WWOX: variants seen among roughly 807,000 people sequenced by gnomAD.
The protein encoded by WWOX is WW domain-containing oxidoreductase.
A neutral mutation model predicts 46.2 loss-of-function variants in WWOX; 69 were observed. The observed-to-expected ratio is 1.49, with a 90% confidence interval of 1.23 to 1.82. The LOEUF is 1.82. Among genes scored for constraint, WWOX ranks in the 40% most tolerant of loss-of-function variants. The probability of loss-of-function intolerance (pLI) is 0.00; values close to 1 mark genes in which losing one functional copy is unlikely to be tolerated. For missense variants in WWOX, 919 were observed against 542.6 expected (o/e 1.69, Z -6.89); for synonymous variants, 359 against 202.6 (o/e 1.77, Z -6.56).
chr16:78,222,669 T>C (rs1435828383), intron 5 of WWOX, among the ~76,000 whole-genome samples: 1 of 152,178 alleles, frequency 6.6e-6, no homozygotes, highest in East Asian at 1.9e-4. Context: ...GGCTGGCCCA[T>C]TGTTACAAGA....
chr16:78,716,797 C>T (rs1020302590), intron 8 of WWOX, among the ~76,000 whole-genome samples: 1 of 152,146 alleles, frequency 6.6e-6, no homozygotes, highest in Non-Finnish European at 1.5e-5. Context: ...CGTGGCCCAG[C>T]ATTGTCTTGG....
At chr16:78,135,333 G>C (rs1440763818) in intron 4 of WWOX, among the ~76,000 whole-genome samples, 3 of 152,172 alleles carry the variant, frequency 2.0e-5, no homozygotes, top group Non-Finnish European at 4.4e-5. Context: ...ATTTCTTTCT[G>C]AGAAGGAGGG....
At chr16:78,676,602 A>G (rs1229674884) in intron 8 of WWOX, among the ~76,000 whole-genome samples, 2 of 152,144 alleles carry the variant, frequency 1.3e-5, no homozygotes, top group Non-Finnish European at 2.9e-5. Flanking sequence ...TGCTCAGTGC[A>G]AGGTTTTATT....
chr16:78,666,558 G>T (rs1597416130), intron 8 of WWOX, among the ~76,000 whole-genome samples: 1 of 152,288 alleles, frequency 6.6e-6, no homozygotes, highest in African/African-American at 2.4e-5. Context: ...ATTTGATTGG[G>T]GTACTGCCTT....
chr16:78,479,986 C>A (rs1214313895), intron 8 of WWOX, among the ~76,000 whole-genome samples: 1 of 152,080 alleles, frequency 6.6e-6, no homozygotes, highest in East Asian at 1.9e-4. Context: ...CTTTACACTC[C>A]AGAAACTCAG....
chr16:79,109,708 A>G (rs764145917), intron 8 of WWOX, among the ~76,000 whole-genome samples: 2 of 152,258 alleles, frequency 1.3e-5, no homozygotes, highest in African/African-American at 2.4e-5. Context: ...TGATATTCAT[A>G]GAACAACTCC....
intron 8 of WWOX, among the ~76,000 whole-genome samples, chr16:78,569,906 C>G (rs148876958): frequency 2.0e-5 from 3 of 152,184 alleles, no homozygotes; most frequent in Admixed American, 6.5e-5. Context: ...AAATACCCAT[C>G]GGTACCTCTT....
At chr16:78,726,312 C>G (rs2048835885) in intron 8 of WWOX, among the ~76,000 whole-genome samples, 1 of 151,740 alleles carries the variant, frequency 6.6e-6, no homozygotes, top group Admixed American at 6.6e-5. Context: ...GCAGCCTCAA[C>G]CTCCTGGGGT....
chr16:79,146,137 A>C (rs1270915999), intron 8 of WWOX, among the ~76,000 whole-genome samples: 2 of 152,214 alleles, frequency 1.3e-5, no homozygotes, highest in Admixed American at 1.3e-4. Flanking sequence ...TTTTCAAGGA[A>C]GGAAGTGTAT....
chr16:79,202,359 G>C (rs2051372179), intron 8 of WWOX, among the ~76,000 whole-genome samples: 1 of 152,274 alleles, frequency 6.6e-6, no homozygotes, highest in Middle Eastern at 3.4e-3. Context: ...AGTGTTTTGG[G>C]ATATAAGGCA....
chr16:78,725,782 TCC>T (rs2048816104), intron 8 of WWOX, among the ~76,000 whole-genome samples: 2 of 152,128 alleles, frequency 1.3e-5, no homozygotes. Flanking sequence ...GATGATCTAC[TCC>T]ATGCCTTTGT....
chr16:79,078,218 A>G (rs894186821), intron 8 of WWOX: 3 of 152,212 alleles, frequency 2.0e-5, no homozygotes, highest in African/African-American at 4.8e-5. Context: ...CTGTGGCTCC[A>G]GTATTTTTCT....
At chr16:78,556,477 A>T (rs1416903560) in intron 8 of WWOX, among the ~76,000 whole-genome samples, 1 of 152,144 alleles carries the variant, frequency 6.6e-6, no homozygotes, top group Non-Finnish European at 1.5e-5. Flanking sequence ...CATATCTGAG[A>T]TGATTCATTT....
intron 8 of WWOX, among the ~76,000 whole-genome samples, chr16:78,490,024 A>C (rs1309564514): frequency 6.6e-6 from 1 of 152,242 alleles, no homozygotes; most frequent in Non-Finnish European, 1.5e-5. Context: ...TTCTTAAAAT[A>C]CGGAGCGACA....
intron 8 of WWOX, among the ~76,000 whole-genome samples, chr16:78,588,380 A>G (rs917148909): frequency 2.0e-5 from 3 of 152,162 alleles, no homozygotes; most frequent in Non-Finnish European, 4.4e-5. Context: ...ATTGATTTAT[A>G]TCTTGGGGGG....
At chr16:78,602,518 C>T (rs1186069200) in intron 8 of WWOX, among the ~76,000 whole-genome samples, 2 of 152,162 alleles carry the variant, frequency 1.3e-5, no homozygotes, top group African/African-American at 4.8e-5. Context: ...AGGTGCTAGC[C>T]ACCACACCCG....
chr16:78,421,121 A>G (rs2082917929), intron 6 of WWOX, among the ~76,000 whole-genome samples: 1 of 152,164 alleles, frequency 6.6e-6, no homozygotes, highest in Admixed American at 6.5e-5. Context: ...GAATATTAGG[A>G]AATAATCTTG....
chr16:79,038,073 TCAA>T (rs2047902312), intron 8 of WWOX, among the ~76,000 whole-genome samples: 1 of 152,150 alleles, frequency 6.6e-6, no homozygotes, highest in African/African-American at 2.4e-5. Flanking sequence ...GCTTCCCTCC[TCAA>T]CAATTAATTC....
intron 8 of WWOX, among the ~76,000 whole-genome samples, chr16:78,579,520 G>A (rs898479532): frequency 2.6e-5 from 4 of 152,118 alleles, no homozygotes; most frequent in South Asian, 2.1e-4. Context: ...TGAGGCTGGC[G>A]AGAGAGAAGG....
Sources: allele counts gnomAD v4.1 joint callset (sites outside exome capture counted in the v4.1 genomes callset), GRCh38; gene constraint gnomAD v4.1.1; transcripts MANE v1.5; gene names NCBI Gene and HGNC (gene_info 2026-07-23, HGNC 2026-07-21).